DMGDH: variants seen among roughly 807,000 people sequenced by gnomAD.
DMGDH encodes the protein dimethylglycine dehydrogenase, mitochondrial.
Under a neutral mutation model 95.2 loss-of-function variants are expected in DMGDH, and 76 were observed. That is an observed-to-expected ratio of 0.80 (90% CI 0.66 to 0.97). The LOEUF is 0.97. Ranked by LOEUF, DMGDH falls within the 50% of genes least tolerant of loss-of-function variation. DMGDH has a pLI of 0.00. For missense variants in DMGDH, 987 were observed against 1,055.0 expected (o/e 0.94, Z 0.89); for synonymous variants, 345 against 377.6 (o/e 0.91, Z 1.00).
chr5:79,052,539 T>G (rs982320040), intron 4 of DMGDH, among the ~76,000 whole-genome samples: 4 of 152,206 alleles, frequency 2.6e-5, no homozygotes, highest in Admixed American at 6.5e-5. Context: ...TCTAAAGACT[T>G]CCAAATGTCA....
At chr5:79,052,502 AC>A (rs368315406) in intron 4 of DMGDH, among the ~76,000 whole-genome samples, 3 of 152,300 alleles carry the variant, frequency 2.0e-5, no homozygotes, top group African/African-American at 7.2e-5. Context: ...TGTGCAAGGG[AC>A]TTTCTATTTT....
Position 79,005,261 on chromosome 5 carries a change from C to G in DMGDH, c.2385+12G>C, listed in dbSNP as rs200356715. The G allele has an allele frequency of 1.3e-4, 212 of 1,613,128 alleles. No homozygotes were observed. Among genetic ancestry groups the G allele is most frequent in the Non-Finnish European group, 1.6e-4 (190 of 1,179,802 alleles). ...TGCCACAGCCCCTGGCAGTGAGGTC[C>G]TCAGCACTCACCTTGCCATTGTACC... is the stretch of plus-strand genomic sequence containing the variant. On this transcript the variant is annotated intron_variant, in intron 15 of 15. Transcript: ENST00000255189.
chr5:79,006,269 G>A (rs1473926786), intron 14 of DMGDH, among the ~76,000 whole-genome samples: 2 of 151,526 alleles, frequency 1.3e-5, no homozygotes, highest in African/African-American at 4.8e-5. Flanking sequence ...CGCACTTACT[G>A]GTAATACACC....
intron 9 of DMGDH, among the ~76,000 whole-genome samples, 174 bp from the exon 10 acceptor site, chr5:79,031,172 A>G (rs1754166038): frequency 6.6e-6 from 1 of 152,176 alleles, no homozygotes; most frequent in Non-Finnish European, 1.5e-5. Flanking sequence ...TCATTCATGT[A>G]TGTTGGAATC....
chr5:79,021,405 C>A, intron 14 of DMGDH: 2 of 1,184,828 alleles, frequency 1.7e-6, no homozygotes, highest in South Asian at 3.2e-5. Context: ...TAATAAATGT[C>A]TACTAGATGA....
intron 2 of DMGDH, among the ~76,000 whole-genome samples, chr5:79,056,588 T>G (rs909569974): frequency 2.0e-5 from 3 of 150,404 alleles, no homozygotes; most frequent in African/African-American, 7.4e-5. Flanking sequence ...GCGTGGTGGC[T>G]CATGCCTGTA....
At chr5:79,055,706 G>T in intron 3 of DMGDH, 104 bp downstream of exon 3, 1 of 770,574 alleles carries the variant, frequency 1.3e-6, no homozygotes, top group Non-Finnish European at 2.3e-6. Flanking sequence ...ACTACATTAA[G>T]CACTCCACAC....
In DMGDH at chr5:79,026,721, A is replaced by T. The variant is rs1368973038; in HGVS notation, c.2033-140T>A. The T allele has an allele frequency of 1.0e-5, 13 of 1,262,614 alleles. No homozygotes were observed. In the Admixed American group the frequency reaches 2.4e-4, roughly 23 times the overall value. 78.2% of individuals were successfully genotyped at this position (1,262,614 alleles called of 1,614,324 possible). On this transcript the variant is annotated intron_variant, in intron 12 of 15. Coordinates refer to ENST00000255189, the MANE Select transcript of DMGDH (RefSeq NM_013391.3). ...TGTCAGTCTCTAAAAAGACCAGCTCACAAAAAGTTACAAGACCCCACTGCA... is the reference window on the plus strand; with the variant it reads ...TGTCAGTCTCTAAAAAGACCAGCTCTCAAAAAGTTACAAGACCCCACTGCA...
At chr5:79,059,827 G>A (rs906472811) in intron 2 of DMGDH, among the ~76,000 whole-genome samples, 12 of 152,166 alleles carry the variant, frequency 7.9e-5, no homozygotes, top group Admixed American at 2.6e-4. Flanking sequence ...ATCACTGGCA[G>A]CCATTTGCAT....
chr5:79,031,018 G>A lies in DMGDH; in HGVS notation c.1518-20C>T. The A allele has an allele frequency of 6.2e-7, 1 of 1,613,970 alleles. No individual in the cohort carries two copies. Among genetic ancestry groups the A allele is most frequent in the Non-Finnish European group, 8.5e-7 (1 of 1,179,886 alleles). On this transcript the variant is annotated intron_variant, in intron 9 of 15. Coordinates refer to ENST00000255189, the MANE Select transcript of DMGDH (RefSeq NM_013391.3). Reference sequence around the variant, plus strand: ...CTTGGCCTGAAACACAACATTTAGTGTCATAAAACAACTCCCGTTCATTTT... The same window carrying A: ...CTTGGCCTGAAACACAACATTTAGTATCATAAAACAACTCCCGTTCATTTT...
chr5:79,030,794 T>G, intron 10 of DMGDH, 39 bp downstream of exon 10: 2 of 1,609,210 alleles, frequency 1.2e-6, no homozygotes, highest in Non-Finnish European at 1.7e-6. Context: ...ATTAAATAGG[T>G]CAGAATCCTG....
intron 7 of DMGDH, among the ~76,000 whole-genome samples, chr5:79,041,962 T>C (rs1754522730): frequency 6.6e-6 from 1 of 152,324 alleles, no homozygotes; most frequent in South Asian, 2.1e-4. Flanking sequence ...ATCACGCCAC[T>C]GTACTCTAGC....
chr5:79,001,319 T>C (rs1424364790), intron 15 of DMGDH, among the ~76,000 whole-genome samples: 4 of 152,176 alleles, frequency 2.6e-5, no homozygotes, highest in Admixed American at 1.3e-4. Flanking sequence ...TACACCACCA[T>C]GCCTGGCCAA....
chr5:79,000,309 T>G, intron 15 of DMGDH: 1 of 671,660 alleles, frequency 1.5e-6, no homozygotes, highest in Non-Finnish European at 2.8e-6. Flanking sequence ...CACCAGCTGC[T>G]CTTTCCCCAT....
At chr5:79,059,754 C>T (rs1755142851) in intron 2 of DMGDH, among the ~76,000 whole-genome samples, 1 of 152,194 alleles carries the variant, frequency 6.6e-6, no homozygotes, top group African/African-American at 2.4e-5. Flanking sequence ...CTGAAAGCAT[C>T]ACTTTTTCTG....
intron 6 of DMGDH, among the ~76,000 whole-genome samples, chr5:79,042,856 G>A (rs942581832): frequency 3.3e-5 from 5 of 152,092 alleles, no homozygotes; most frequent in Non-Finnish European, 5.9e-5. Context: ...CCCCTGAGAT[G>A]AGGGCAAATG....
At chr5:79,058,677 G>A (rs764204024) in intron 2 of DMGDH, among the ~76,000 whole-genome samples, 3 of 152,050 alleles carry the variant, frequency 2.0e-5, no homozygotes, top group Admixed American at 1.3e-4. Flanking sequence ...AAGATGAAAC[G>A]GAGATATAAT....
At chr5:79,003,508 T>A (rs771109417) in intron 15 of DMGDH, among the ~76,000 whole-genome samples, 16 of 152,092 alleles carry the variant, frequency 1.1e-4, no homozygotes, top group Non-Finnish European at 1.9e-4. Context: ...AAGAGCAAAC[T>A]CAGCCCAATT....
chr5:79,055,759 ATG>A (rs1450075954), intron 3 of DMGDH, 49 bp downstream of exon 3: 1 of 1,120,570 alleles, frequency 8.9e-7, no homozygotes, highest in East Asian at 3.3e-5. Flanking sequence ...GAAATCTTAC[ATG>A]TTTCTGAGAA....
Sources: allele counts gnomAD v4.1 joint callset (sites outside exome capture counted in the v4.1 genomes callset), GRCh38; gene constraint gnomAD v4.1.1; transcripts MANE v1.5; gene names NCBI Gene and HGNC (gene_info 2026-07-23, HGNC 2026-07-21).